Variants in TMC1 observed in about 807,000 individuals in gnomAD.
TMC1 encodes the protein transmembrane channel-like protein 1.
A neutral mutation model predicts 105.8 loss-of-function variants in TMC1; 84 were observed. That is an observed-to-expected ratio of 0.79 (90% confidence interval 0.67 to 0.95). The LOEUF is 0.95. Among genes scored for constraint, TMC1 ranks in the 40% least tolerant of loss-of-function variants. The pLI, the probability that TMC1 is intolerant of heterozygous loss-of-function variation, is 0.00. For synonymous variants in TMC1, 315 were observed against 311.5 expected (o/e 1.01, Z -0.12); for missense variants, 817 against 914.1 (o/e 0.89, Z 1.37).
At chr9:72,606,896 C>T (rs1052242375) in intron 2 of TMC1, among the ~76,000 whole-genome samples, 2 of 151,446 alleles carry the variant, frequency 1.3e-5, no homozygotes, top group Admixed American at 6.6e-5. Flanking sequence ...ATGGGAGAAA[C>T]AAATAACATC....
At chr9:72,787,379 G>A (rs1310318183) in intron 13 of TMC1, among the ~76,000 whole-genome samples, 3 of 152,084 alleles carry the variant, frequency 2.0e-5, no homozygotes, top group Non-Finnish European at 4.4e-5. Flanking sequence ...AATAGTGGGG[G>A]AATGTAGATG....
intron 13 of TMC1, among the ~76,000 whole-genome samples, chr9:72,783,379 G>A (rs1828123191): frequency 6.6e-6 from 1 of 152,200 alleles, no homozygotes; most frequent in African/African-American, 2.4e-5. Flanking sequence ...GAGTCCAGAT[G>A]CTGAAGAACC....
At chr9:72,823,782 T>G (rs1588102498) in intron 20 of TMC1, among the ~76,000 whole-genome samples, 1 of 152,364 alleles carries the variant, frequency 6.6e-6, no homozygotes, top group East Asian at 1.9e-4. Context: ...TATACATCCC[T>G]GCTTACATTA....
At chr9:72,726,911 A>G (rs1588052345) in intron 8 of TMC1, among the ~76,000 whole-genome samples, 1 of 152,162 alleles carries the variant, frequency 6.6e-6, no homozygotes, top group African/African-American at 2.4e-5. Flanking sequence ...TCTTCTCACT[A>G]TGGGGCAGCA....
intron 3 of TMC1, among the ~76,000 whole-genome samples, chr9:72,617,592 A>G (rs1391766509): frequency 6.6e-6 from 1 of 152,218 alleles, no homozygotes; most frequent in East Asian, 1.9e-4. Flanking sequence ...GTTCCAAAAT[A>G]ACTTGTATTT....
intron 10 of TMC1, among the ~76,000 whole-genome samples, chr9:72,745,294 G>A (rs1324474513): frequency 6.6e-6 from 1 of 152,148 alleles, no homozygotes; most frequent in Non-Finnish European, 1.5e-5. Context: ...ATTAGTAGCA[G>A]AGCTGAAATA....
chr9:72,593,939 C>T (rs539211253), intron 2 of TMC1, among the ~76,000 whole-genome samples: 3 of 152,252 alleles, frequency 2.0e-5, no homozygotes, highest in Middle Eastern at 3.4e-3. Flanking sequence ...CATGGTGTTA[C>T]TAATATGGCG....
chr9:72,732,246 A>G (rs1827223300), intron 8 of TMC1, among the ~76,000 whole-genome samples: 1 of 152,202 alleles, frequency 6.6e-6, no homozygotes, highest in East Asian at 1.9e-4. Flanking sequence ...TTGACATTGT[A>G]TCATCAACAT....
At position 72,712,867 on chromosome 9, in the gene TMC1, T is replaced by C. The variant is rs929726011; in HGVS notation, c.362+12224T>C. 2.0e-5 allele frequency among the ~76,000 whole-genome samples: 3 copies of C among 152,154 alleles called. No individual in the cohort carries two copies. The East Asian group carries it at 5.8e-4, about 29-fold the overall frequency. Reference sequence around the variant, plus strand: ...TGCTGGTTTTCAAAGGGAATGCTTATGCTTCCAGTTTTTGCCCATTCAGTA... The same window carrying C: ...TGCTGGTTTTCAAAGGGAATGCTTACGCTTCCAGTTTTTGCCCATTCAGTA... On this transcript the variant is annotated intron_variant, in intron 8 of 23. Transcript: ENST00000297784.
At position 72,736,831 on chromosome 9, in the gene TMC1, C is replaced by T. The variant is rs558230754; in HGVS notation, c.363-3288C>T. ...ACTATGCAAAATTGGGCAATAAAAA[C>T]ACATTTTACTAAAAAAATGGGGATA... On this transcript the variant is annotated intron_variant, in intron 8 of 23. Coordinates refer to ENST00000297784, the MANE Select transcript of TMC1 (RefSeq NM_138691.3). 5.9e-4 allele frequency among the ~76,000 whole-genome samples: 90 copies of T among 152,148 alleles called. 1 individual carries two copies. Among genetic ancestry groups the T allele is most frequent in the East Asian group, 1.5e-3 (8 of 5,178 alleles).
chr9:72,737,157 A>T lies in TMC1; in HGVS notation c.363-2962A>T, dbSNP rs111776772. 9.2e-3 allele frequency among the ~76,000 whole-genome samples: 1,399 copies of T among 152,074 alleles called. 18 individuals are homozygous for T. Among genetic ancestry groups the T allele is most frequent in the African/African-American group, 0.032 (1,348 of 41,488 alleles). ...TGGATATGGTATGTGGATTTTGTGT[A>T]TTCCTACGCTGCTTGGTTTAGCTGG... is the stretch of plus-strand genomic sequence containing the variant. On this transcript the variant is annotated intron_variant, in intron 8 of 23. Coordinates refer to ENST00000297784, the MANE Select transcript of TMC1 (RefSeq NM_138691.3).
chr9:72,780,587 T>C (rs576937389), intron 13 of TMC1, among the ~76,000 whole-genome samples: 25 of 152,062 alleles, frequency 1.6e-4, no homozygotes, highest in Non-Finnish European at 2.2e-4. Flanking sequence ...CATAAAGAGA[T>C]TGATAAAAAT....
At chr9:72,697,059 T>G (rs769201001) in intron 7 of TMC1, among the ~76,000 whole-genome samples, 2 of 152,170 alleles carry the variant, frequency 1.3e-5, no homozygotes, top group Non-Finnish European at 2.9e-5. Flanking sequence ...ATCCTCCTGG[T>G]GAAATAAACA....
chr9:72,666,886 CCAAAACAAAA>C (rs111525479), intron 5 of TMC1, among the ~76,000 whole-genome samples: 55,960 of 147,864 alleles, frequency 0.38, 11,039 homozygotes, highest in African/African-American at 0.49. Context: ...CCCATCTCTA[CCAAAACAAAA>C]CAAAACAAAA....
chr9:72,795,039 A>G (rs947966533), intron 17 of TMC1, among the ~76,000 whole-genome samples: 1 of 152,218 alleles, frequency 6.6e-6, no homozygotes, highest in Non-Finnish European at 1.5e-5. Context: ...TAGAACTTGA[A>G]GACTGGCTCT....
chr9:72,721,499 G>A (rs111462952), intron 8 of TMC1, among the ~76,000 whole-genome samples: 1 of 152,296 alleles, frequency 6.6e-6, no homozygotes, highest in Non-Finnish European at 1.5e-5. Flanking sequence ...TAATAGACTT[G>A]TTTGTTTTTC....
At chr9:72,679,814 G>A (rs1300551770) in intron 5 of TMC1, among the ~76,000 whole-genome samples, 1 of 152,078 alleles carries the variant, frequency 6.6e-6, no homozygotes, top group Non-Finnish European at 1.5e-5. Flanking sequence ...TAGTAATGAA[G>A]TAGGAAATTT....
chr9:72,702,744 C>T (rs921924618), intron 8 of TMC1, among the ~76,000 whole-genome samples: 21 of 152,058 alleles, frequency 1.4e-4, no homozygotes, highest in African/African-American at 4.3e-4. Flanking sequence ...GGAAGTAAGG[C>T]ATTTGACAAT....
At chr9:72,803,874 A>G (rs1828522356) in intron 17 of TMC1, among the ~76,000 whole-genome samples, 1 of 152,198 alleles carries the variant, frequency 6.6e-6, no homozygotes. Flanking sequence ...CAGCAATCCC[A>G]TTACTGGGTA....
Sources: allele counts gnomAD v4.1 joint callset (sites outside exome capture counted in the v4.1 genomes callset), GRCh38; gene constraint gnomAD v4.1.1; transcripts MANE v1.5; gene names NCBI Gene and HGNC (gene_info 2026-07-23, HGNC 2026-07-21).